Variants in DNM3 observed in about 807,000 individuals in gnomAD.
The protein encoded by DNM3 is dynamin-3.
DNM3 carries 47 observed loss-of-function variants against 101.6 expected under a neutral mutation model. That is an observed-to-expected ratio of 0.46 (90% confidence interval 0.37 to 0.59). The LOEUF is 0.59. Among genes scored for constraint, DNM3 ranks in the 20% least tolerant of loss-of-function variants. The pLI is 0.00. For missense variants in DNM3, 849 were observed against 1,085.7 expected (o/e 0.78, Z 3.06); for synonymous variants, 385 against 387.9 (o/e 0.99, Z 0.09).
At chr1:172,367,890 T>C (rs1034890867) in intron 17 of DNM3, among the ~76,000 whole-genome samples, 2 of 151,858 alleles carry the variant, frequency 1.3e-5, no homozygotes, top group Non-Finnish European at 2.9e-5. Flanking sequence ...TGTAATTGAA[T>C]CATGGGGGTG....
intron 14 of DNM3, among the ~76,000 whole-genome samples, chr1:172,153,913 A>T (rs1435893442): frequency 2.6e-5 from 4 of 152,114 alleles, no homozygotes; most frequent in Non-Finnish European, 4.4e-5. Context: ...CAGATTGATC[A>T]TATTTTTATT....
At chr1:172,297,541 T>C (rs1038479276) in intron 15 of DNM3, among the ~76,000 whole-genome samples, 3 of 152,122 alleles carry the variant, frequency 2.0e-5, no homozygotes, top group African/African-American at 7.2e-5. Flanking sequence ...TGTTGGTTTA[T>C]TTTATTTTTT....
chr1:172,144,644 T>G, intron 14 of DNM3: 1 of 532,242 alleles, frequency 1.9e-6, no homozygotes, highest in African/African-American at 1.9e-5. Flanking sequence ...AGAAGCTTCC[T>G]TCTATGTACT....
At chr1:172,415,524 G>GTTTTTTT (rs386368747), downstream of DNM3, 562 of 99,058 alleles carry the variant, frequency 5.7e-3, 29 homozygotes, top group Non-Finnish European at 7.6e-3. Flanking sequence ...TTTTTTGTGA[G>GTTTTTTT]TTTTTTTTTT....
intron 2 of DNM3, among the ~76,000 whole-genome samples, chr1:171,979,254 G>A (rs1242466232): frequency 6.6e-6 from 1 of 152,128 alleles, no homozygotes; most frequent in East Asian, 1.9e-4. Flanking sequence ...TTTTGGCCAA[G>A]TGCTCAGAAT....
At position 172,097,710 on chromosome 1, in the gene DNM3, G is replaced by A. The variant is rs72719066; in HGVS notation, c.1545+4835G>A. 3.0e-3 allele frequency among the ~76,000 whole-genome samples: 458 copies of A among 152,244 alleles called. 1 individual carries two copies. Among genetic ancestry groups the A allele is most frequent in the Non-Finnish European group, 5.6e-3 (378 of 68,020 alleles). On this transcript the variant is annotated intron_variant, in intron 13 of 20. Transcript: ENST00000627582. ...GAAAACTTGGAGAGTGGTTATCATG[G>A]GAAATTCAGTCAGATATCGGGCAAA...
At chr1:172,104,266 T>C (rs2054855338) in intron 13 of DNM3, among the ~76,000 whole-genome samples, 1 of 152,188 alleles carries the variant, frequency 6.6e-6, no homozygotes, top group South Asian at 2.1e-4. Context: ...CTTAGAATAT[T>C]TTAAACATTT....
intron 14 of DNM3, among the ~76,000 whole-genome samples, chr1:172,135,959 C>T (rs1464645325): frequency 6.6e-6 from 1 of 151,938 alleles, no homozygotes; most frequent in Non-Finnish European, 1.5e-5. Context: ...ATAATAAAAG[C>T]ACTTAGTCAA....
chr1:172,057,871 A>C (rs2050778852), intron 10 of DNM3, among the ~76,000 whole-genome samples: 1 of 140,524 alleles, frequency 7.1e-6, no homozygotes, highest in East Asian at 2.4e-4. Flanking sequence ...AAATGGACTA[A>C]ATGCTCCAAT....
At chr1:172,336,085 T>C (rs2066414262) in intron 17 of DNM3, among the ~76,000 whole-genome samples, 1 of 152,168 alleles carries the variant, frequency 6.6e-6, no homozygotes, top group Non-Finnish European at 1.5e-5. Flanking sequence ...TTGGGGGTGC[T>C]ACTATCTAGT....
intron 17 of DNM3, among the ~76,000 whole-genome samples, chr1:172,344,676 G>T (rs988920956): frequency 1.3e-5 from 2 of 152,116 alleles, no homozygotes; most frequent in Non-Finnish European, 2.9e-5. Context: ...TGGCGCCAGC[G>T]GCTGAACCAC....
At chr1:171,876,782 C>T (rs962284058) in intron 1 of DNM3, among the ~76,000 whole-genome samples, 4 of 152,084 alleles carry the variant, frequency 2.6e-5, no homozygotes, top group Non-Finnish European at 4.4e-5. Context: ...GGTTGTTATT[C>T]GAATTTTTTA....
chr1:172,069,307 A>G (rs555383422), intron 11 of DNM3, among the ~76,000 whole-genome samples: 1 of 152,202 alleles, frequency 6.6e-6, no homozygotes, highest in South Asian at 2.1e-4. Context: ...AGATTCACAA[A>G]CTCCTAAAAC....
At chr1:171,959,917 G>A (rs372460682) in intron 2 of DNM3, among the ~76,000 whole-genome samples, 7 of 152,138 alleles carry the variant, frequency 4.6e-5, no homozygotes, top group East Asian at 1.9e-4. Context: ...GCCAGACAGC[G>A]GGTACTGTGG....
chr1:172,306,268 C>G (rs1298343359), intron 15 of DNM3, among the ~76,000 whole-genome samples: 1 of 152,076 alleles, frequency 6.6e-6, no homozygotes, highest in Non-Finnish European at 1.5e-5. Flanking sequence ...TGAGTGATCT[C>G]CCATTCAAAA....
intron 13 of DNM3, among the ~76,000 whole-genome samples, chr1:172,099,582 AC>A (rs1166690213): frequency 6.6e-6 from 1 of 151,910 alleles, no homozygotes. Context: ...AAAAAAAAAG[AC>A]AAAAAAAGAT....
intron 1 of DNM3, among the ~76,000 whole-genome samples, chr1:171,892,710 C>T (rs1473519957): frequency 6.6e-6 from 1 of 152,186 alleles, no homozygotes; most frequent in African/African-American, 2.4e-5. Flanking sequence ...AGTTCCCAGC[C>T]TTTTTGGCAC....
intron 1 of DNM3, among the ~76,000 whole-genome samples, chr1:171,859,946 A>T (rs888630960): frequency 6.6e-5 from 10 of 152,172 alleles, no homozygotes; most frequent in Non-Finnish European, 7.4e-5. Flanking sequence ...AAGGTAAGTC[A>T]GTGTCTCCAG....
intron 1 of DNM3, among the ~76,000 whole-genome samples, chr1:171,903,870 T>A (rs953658951): frequency 1.3e-5 from 2 of 152,228 alleles, no homozygotes; most frequent in Non-Finnish European, 2.9e-5. Flanking sequence ...TGTTCTATTA[T>A]AGCCAAGATA....
Sources: allele counts gnomAD v4.1 joint callset (sites outside exome capture counted in the v4.1 genomes callset), GRCh38; gene constraint gnomAD v4.1.1; transcripts MANE v1.5; gene names NCBI Gene and HGNC (gene_info 2026-07-23, HGNC 2026-07-21).